Variants in MTA3 observed in about 807,000 individuals in gnomAD.
The protein encoded by MTA3 is metastasis-associated protein MTA3.
MTA3 carries 34 observed loss-of-function variants against 83.5 expected under a neutral mutation model. That is an observed-to-expected ratio of 0.41 (90% CI 0.31 to 0.54). The LOEUF (loss-of-function observed/expected upper bound fraction) is 0.54, where lower values mean the gene tolerates loss of function less well. Ranked by LOEUF, MTA3 falls within the 20% of genes least tolerant of loss-of-function variation. The probability of loss-of-function intolerance (pLI) is 0.33; values close to 1 mark genes in which losing one functional copy is unlikely to be tolerated. For missense variants in MTA3, 761 were observed against 726.4 expected, an observed-to-expected ratio of 1.05 and a Z score of -0.55; for synonymous variants, 303 against 252.7, an observed-to-expected ratio of 1.20 and a Z score of -1.89.
At position 42,525,603 on chromosome 2, in the gene MTA3, TTTCC is replaced by T. The variant is rs59291067; in HGVS notation, c.-141+30367_-141+30370del. On this transcript the variant is annotated intron_variant, in intron 2 of 17. Coordinates refer to the MTA3 transcript ENST00000405592. Reference sequence around the variant, plus strand: ...CCCCTTCCTTCCTTTCCTTCCTTCCTTTCCTTCCTTCCTTCCTTCCTACTTTCTT... The same window carrying T: ...CCCCTTCCTTCCTTTCCTTCCTTCCTTTCCTTCCTTCCTTCCTACTTTCTT... Among the ~76,000 whole-genome samples the T allele has an allele frequency of 3.1e-3, 295 of 95,506 alleles. 1 individual carries two copies. Among genetic ancestry groups the T allele is most frequent in the African/African-American group, 4.1e-3 (109 of 26,386 alleles). 62.7% of individuals were successfully genotyped at this position (95,506 alleles called of 152,430 possible). A position where few individuals can be genotyped will look rare whatever the true frequency, so the allele number is the denominator to read the frequency against.
chr2:42,602,226 C>T (rs925882771), intron 3 of MTA3, among the ~76,000 whole-genome samples: 1 of 152,188 alleles, frequency 6.6e-6, no homozygotes, highest in Non-Finnish European at 1.5e-5. Context: ...GTCCACCTGC[C>T]TCGGCCTCCT....
intron 3 of MTA3, among the ~76,000 whole-genome samples, chr2:42,599,512 G>T (rs1682281363): frequency 6.6e-6 from 1 of 151,890 alleles, no homozygotes; most frequent in African/African-American, 2.4e-5. Context: ...ATGGCGTGAA[G>T]CTGGGAGGTG....
chr2:42,691,491 G>T (rs1230814074), intron 9 of MTA3, among the ~76,000 whole-genome samples: 1 of 152,068 alleles, frequency 6.6e-6, no homozygotes, highest in Non-Finnish European at 1.5e-5. Flanking sequence ...GAAAGTTGTA[G>T]TTATTTTTTT....
chr2:42,506,092 G>C (rs1220989983), intron 2 of MTA3, among the ~76,000 whole-genome samples: 1 of 151,982 alleles, frequency 6.6e-6, no homozygotes, highest in East Asian at 1.9e-4. Flanking sequence ...ATTGAAGCTG[G>C]ATAATGGGGT....
intron 3 of MTA3, among the ~76,000 whole-genome samples, chr2:42,584,558 TG>T (rs1680044678): frequency 6.6e-6 from 1 of 152,110 alleles, no homozygotes; most frequent in Non-Finnish European, 1.5e-5. Flanking sequence ...TTTTTTTTTT[TG>T]GGATGGAGTC....
chr2:42,506,919 T>C (rs974514010), intron 2 of MTA3, among the ~76,000 whole-genome samples: 1 of 152,062 alleles, frequency 6.6e-6, no homozygotes, highest in African/African-American at 2.4e-5. Context: ...TTTTATTTTT[T>C]TGAGACAGAG....
At chr2:42,535,277 C>T (rs2103732225) in intron 2 of MTA3, among the ~76,000 whole-genome samples, 1 of 152,158 alleles carries the variant, frequency 6.6e-6, no homozygotes, top group East Asian at 1.9e-4. Flanking sequence ...ATCCCAGCTA[C>T]TCGGGAGGCT....
At chr2:42,738,281 A>C (rs1382179591) in intron 16 of MTA3, among the ~76,000 whole-genome samples, 1 of 152,124 alleles carries the variant, frequency 6.6e-6, no homozygotes, top group Non-Finnish European at 1.5e-5. Context: ...AAACAGAGAG[A>C]CCGGCTGAAA....
At chr2:42,632,029 G>A (rs1210984406) in intron 4 of MTA3, among the ~76,000 whole-genome samples, 1 of 149,404 alleles carries the variant, frequency 6.7e-6, no homozygotes, top group Non-Finnish European at 1.5e-5. Flanking sequence ...AGTTATTATT[G>A]ACTGTATTCA....
At chr2:42,654,929 T>C (rs1689025071) in intron 6 of MTA3, among the ~76,000 whole-genome samples, 1 of 152,238 alleles carries the variant, frequency 6.6e-6, no homozygotes, top group East Asian at 1.9e-4. Flanking sequence ...TTCTTTCTAC[T>C]AATGCCAACG....
chr2:42,754,776 C>A lies in MTA3; in HGVS notation c.*1377C>A, dbSNP rs1490041187. 9.1e-6 allele frequency: 9 copies of A among 985,392 alleles called. No homozygotes were observed. Among genetic ancestry groups the A allele is most frequent in the Non-Finnish European group, 9.6e-6 (8 of 829,980 alleles). 61.0% of individuals were successfully genotyped at this position (985,392 alleles called of 1,614,324 possible). A position where few individuals can be genotyped will look rare whatever the true frequency, so the allele number is the denominator to read the frequency against. ...GACAGAGTGGCTACAATTGAATTGA[C>A]ACCCTGGGAAGCACGAGGTAACTTG... is the stretch of plus-strand genomic sequence containing the variant. On this transcript the variant is annotated 3_prime_UTR_variant, in exon 17 of 17. Coordinates refer to ENST00000405094, the MANE Select transcript of MTA3 (RefSeq NM_001330442.2).
At position 42,753,873 on chromosome 2, in the gene MTA3, A is replaced by C; in HGVS notation, c.*474A>C. The C allele has an allele frequency of 2.0e-6, 2 of 989,636 alleles. No individual in the cohort carries two copies. The allele number at this position is 989,636 out of a possible 1,614,324, so 61.3% of individuals were successfully genotyped here. A position where few individuals can be genotyped will look rare whatever the true frequency, so the allele number is the denominator to read the frequency against. ...ATGGATTTTTCTTAAGAAATGCGCCAGTGTTTATGAGGTTCAAGGTATTTC... is the reference window on the plus strand; with the variant it reads ...ATGGATTTTTCTTAAGAAATGCGCCCGTGTTTATGAGGTTCAAGGTATTTC... On this transcript the variant is annotated 3_prime_UTR_variant, in exon 17 of 17. Coordinates refer to ENST00000405094, the MANE Select transcript of MTA3 (RefSeq NM_001330442.2).
intron 9 of MTA3, among the ~76,000 whole-genome samples, chr2:42,692,725 C>G (rs1475985682): frequency 6.6e-6 from 1 of 152,210 alleles, no homozygotes; most frequent in East Asian, 1.9e-4. Flanking sequence ...CTGTGCCCAG[C>G]CAGCTATTTT....
At chr2:42,555,186 G>A (rs920505548) in intron 2 of MTA3, among the ~76,000 whole-genome samples, 2 of 151,844 alleles carry the variant, frequency 1.3e-5, no homozygotes, top group African/African-American at 4.8e-5. Flanking sequence ...AAAGGAGGCC[G>A]GACATTGTGG....
At chr2:42,582,639 T>C (rs1041598137) in intron 3 of MTA3, among the ~76,000 whole-genome samples, 5 of 152,086 alleles carry the variant, frequency 3.3e-5, no homozygotes, top group East Asian at 1.9e-4. Flanking sequence ...AAAAAAATTA[T>C]TGCTGCAAAA....
intron 2 of MTA3, among the ~76,000 whole-genome samples, chr2:42,507,684 T>C (rs1248038071): frequency 6.6e-6 from 1 of 150,646 alleles, no homozygotes. Flanking sequence ...ATCCCAACAC[T>C]TCGGGAGACT....
chr2:42,527,373 CCTTTGTT>C (rs1675764479), intron 2 of MTA3, among the ~76,000 whole-genome samples: 3 of 152,262 alleles, frequency 2.0e-5, no homozygotes, highest in East Asian at 3.9e-4. Flanking sequence ...CCAACTCCTC[CCTTTGTT>C]CTTTGGACCA....
intron 2 of MTA3, among the ~76,000 whole-genome samples, chr2:42,548,690 C>T (rs930606872): frequency 2.7e-5 from 4 of 145,544 alleles, no homozygotes; most frequent in African/African-American, 1.0e-4. Context: ...GGGGTTCCAG[C>T]TACCCAGGAG....
At chr2:42,599,718 A>C (rs1220669362) in intron 3 of MTA3, among the ~76,000 whole-genome samples, 2 of 152,202 alleles carry the variant, frequency 1.3e-5, no homozygotes, top group Non-Finnish European at 2.9e-5. Context: ...AAGATAACAA[A>C]ATAAAATATT....
Sources: allele counts gnomAD v4.1 joint callset (sites outside exome capture counted in the v4.1 genomes callset), GRCh38; gene constraint gnomAD v4.1.1; transcripts MANE v1.5; gene names NCBI Gene and HGNC (gene_info 2026-07-23, HGNC 2026-07-21).